Variants in IMMP2L observed in about 807,000 individuals in gnomAD.
IMMP2L encodes mitochondrial inner membrane protease subunit 2.
Under a neutral mutation model 19.3 loss-of-function variants are expected in IMMP2L, and 18 were observed. That is an observed-to-expected ratio of 0.93 (90% CI 0.64 to 1.38). The LOEUF (loss-of-function observed/expected upper bound fraction) is 1.38. IMMP2L is among the 40% of genes most tolerant of loss of function. The pLI is 0.00. For synonymous variants in IMMP2L, 76 were observed against 73.0 expected (o/e 1.04, Z -0.21); for missense variants, 233 against 218.2 (o/e 1.07, Z -0.43).
At chr7:111,092,771 A>G (rs1797001455) in intron 3 of IMMP2L, among the ~76,000 whole-genome samples, 1 of 152,170 alleles carries the variant, frequency 6.6e-6, no homozygotes, top group Non-Finnish European at 1.5e-5. Flanking sequence ...CCAATTGAGG[A>G]TATTCATGGA....
chr7:110,994,799 C>G (rs1176370508), intron 3 of IMMP2L, among the ~76,000 whole-genome samples: 1 of 152,130 alleles, frequency 6.6e-6, no homozygotes, highest in Admixed American at 6.6e-5. Context: ...TACTGGCTGA[C>G]AGTGATAAGG....
At chr7:111,394,938 C>T (rs868669421) in intron 3 of IMMP2L, 1 of 239,208 alleles carries the variant, frequency 4.2e-6, no homozygotes, top group Non-Finnish European at 9.2e-6. Flanking sequence ...TTGGTGTCAT[C>T]GAAGTGGCAA....
At chr7:110,930,568 G>A (rs1000356323) in intron 4 of IMMP2L, among the ~76,000 whole-genome samples, 1 of 152,160 alleles carries the variant, frequency 6.6e-6, no homozygotes, top group Non-Finnish European at 1.5e-5. Flanking sequence ...GTTTGGAATA[G>A]TTAAGAACTT....
chr7:111,142,227 G>A (rs146480038), intron 3 of IMMP2L, among the ~76,000 whole-genome samples: 4 of 151,770 alleles, frequency 2.6e-5, no homozygotes, highest in African/African-American at 7.3e-5. Context: ...TCAGGAGGCT[G>A]AGGCACAAGA....
At chr7:111,447,081 T>C (rs564005785) in intron 3 of IMMP2L, among the ~76,000 whole-genome samples, 1 of 143,854 alleles carries the variant, frequency 7.0e-6, no homozygotes, top group Admixed American at 6.9e-5. Flanking sequence ...CTACGTCTGA[T>C]TGGTGTACCT....
chr7:111,495,819 C>T (rs1032278776), intron 2 of IMMP2L, among the ~76,000 whole-genome samples: 5 of 152,126 alleles, frequency 3.3e-5, no homozygotes, highest in Admixed American at 1.3e-4. Context: ...GACCTTACTT[C>T]TTTGGGTACA....
At chr7:111,362,143 CA>C (rs1039524224) in intron 3 of IMMP2L, among the ~76,000 whole-genome samples, 5 of 150,798 alleles carry the variant, frequency 3.3e-5, no homozygotes, top group East Asian at 1.9e-4. Context: ...ACCATTTTAT[CA>C]AAAAAAAATT....
At chr7:111,167,512 T>C (rs1382223580) in intron 3 of IMMP2L, among the ~76,000 whole-genome samples, 1 of 151,926 alleles carries the variant, frequency 6.6e-6, no homozygotes, top group Non-Finnish European at 1.5e-5. Flanking sequence ...GCCCCTCAGC[T>C]TCAAACCAAA....
chr7:111,542,807 A>G (rs1848606491), intron 1 of IMMP2L, among the ~76,000 whole-genome samples: 1 of 152,178 alleles, frequency 6.6e-6, no homozygotes, highest in Non-Finnish European at 1.5e-5. Flanking sequence ...TTAATAAAAA[A>G]TATTATCAGG....
At chr7:111,540,387 T>C (rs1425304132) in intron 1 of IMMP2L, among the ~76,000 whole-genome samples, 1 of 152,180 alleles carries the variant, frequency 6.6e-6, no homozygotes, top group Non-Finnish European at 1.5e-5. Context: ...GAACGGCACT[T>C]CACTGGAAGT....
intron 5 of IMMP2L, among the ~76,000 whole-genome samples, chr7:110,777,098 A>C (rs760158865): frequency 6.6e-6 from 1 of 152,010 alleles, no homozygotes; most frequent in Non-Finnish European, 1.5e-5. Flanking sequence ...GTAAGAAATT[A>C]GTATCACTAG....
chr7:111,239,781 A>C (rs1242748485), intron 3 of IMMP2L, among the ~76,000 whole-genome samples: 4 of 151,962 alleles, frequency 2.6e-5, no homozygotes, highest in Non-Finnish European at 5.9e-5. Flanking sequence ...AATGAGCCAA[A>C]TCAACTGATT....
At chr7:110,918,795 C>T (rs902090834) in intron 4 of IMMP2L, among the ~76,000 whole-genome samples, 2 of 151,966 alleles carry the variant, frequency 1.3e-5, no homozygotes, top group African/African-American at 2.4e-5. Flanking sequence ...TTCCTTACAT[C>T]GCTCTTCTTG....
rs1287671379 is a variant in IMMP2L at position 111,290,857 on chromosome 7, C to CAT, written c.239+196379_239+196380dup. ...ACACACACACACACACACACACACA[C>CAT]ATATATATATATCTAATTTTCTATC... On this transcript the variant is annotated intron_variant, in intron 3 of 5. Transcript: ENST00000405709. 3.9e-3 allele frequency among the ~76,000 whole-genome samples: 586 copies of CAT among 148,660 alleles called. 6 individuals carry two copies. Among genetic ancestry groups the CAT allele is most frequent in the East Asian group, 0.015 (74 of 5,096 alleles).
At chr7:110,780,062 T>C (rs1799634174) in intron 5 of IMMP2L, among the ~76,000 whole-genome samples, 1 of 151,826 alleles carries the variant, frequency 6.6e-6, no homozygotes, top group Non-Finnish European at 1.5e-5. Flanking sequence ...CTACCTTTTG[T>C]ACTGTCTTTA....
chr7:110,831,732 C>T (rs561227176), intron 5 of IMMP2L, among the ~76,000 whole-genome samples: 1 of 152,236 alleles, frequency 6.6e-6, no homozygotes, highest in Non-Finnish European at 1.5e-5. Context: ...TCTGGCCTGA[C>T]GAAAATACTA....
intron 5 of IMMP2L, among the ~76,000 whole-genome samples, chr7:110,762,530 G>C (rs546947437): frequency 6.6e-5 from 10 of 152,172 alleles, no homozygotes; most frequent in Admixed American, 3.9e-4. Flanking sequence ...CATTCTCCAA[G>C]TCACCTTTGC....
At chr7:111,054,726 C>T (rs1295240414) in intron 3 of IMMP2L, among the ~76,000 whole-genome samples, 3 of 152,204 alleles carry the variant, frequency 2.0e-5, no homozygotes, top group Non-Finnish European at 2.9e-5. Context: ...GTGTATTCCC[C>T]ATACCAGGTT....
rs534340468 is a variant in IMMP2L at position 111,425,481 on chromosome 7, G to A, written c.239+61757C>T. On this transcript the variant is annotated intron_variant, in intron 3 of 5. Coordinates refer to ENST00000405709, the MANE Select transcript of IMMP2L (RefSeq NM_032549.4). Reference sequence around the variant, plus strand: ...AATACGCATGTTGAAAGTATTTAGGGGGAAGTGCCTATAGTTTACTTTGAA... The same window carrying A: ...AATACGCATGTTGAAAGTATTTAGGAGGAAGTGCCTATAGTTTACTTTGAA... Among the ~76,000 whole-genome samples, 19 of 150,992 alleles carry A rather than the reference G, an allele frequency of 1.3e-4. 1 individual carries two copies. In the South Asian group the frequency reaches 2.5e-3, roughly 20 times the overall value.
Sources: gnomAD v4.1 joint callset for allele counts (sites outside exome capture counted in the v4.1 genomes callset) on GRCh38, gnomAD v4.1.1 for gene constraint, MANE v1.5 for transcripts, NCBI Gene and HGNC (gene_info 2026-07-23, HGNC 2026-07-21) for gene names.